The following KIF1B variants were observed in gnomAD, a reference collection of about 807,000 sequenced individuals.
KIF1B encodes the protein kinesin-like protein KIF1B.
KIF1B carries 76 observed loss-of-function variants against 241.9 expected under a neutral mutation model. The observed-to-expected ratio is 0.31, with a 90% CI of 0.26 to 0.38. The LOEUF is 0.38. Ranked by LOEUF, KIF1B falls within the 10% of genes least tolerant of loss-of-function variation. The pLI, the probability that KIF1B is intolerant of heterozygous loss-of-function variation, is 1.00. For missense variants in KIF1B, 1,622 were observed against 2,271.4 expected (o/e 0.71, Z 5.81); for synonymous variants, 750 against 796.7 (o/e 0.94, Z 0.99).
At chr1:10,304,884 A>G in intron 22 of KIF1B, 1 of 1,375,722 alleles carries the variant, frequency 7.3e-7, no homozygotes, top group African/African-American at 1.5e-5. Flanking sequence ...CCTTTTTCTG[A>G]AACGTTCCTC....
In KIF1B at chr1:10,332,576, C is replaced by T. The variant is rs1323309427; in HGVS notation, c.2925-1944C>T. 2.1e-4 allele frequency among the ~76,000 whole-genome samples: 26 copies of T among 121,518 alleles called. No individual in the cohort carries two copies. The East Asian group carries it at 6.8e-3, about 32-fold the overall frequency. 79.7% of individuals were successfully genotyped at this position (121,518 alleles called of 152,430 possible). On this transcript the variant is annotated intron_variant, in intron 27 of 48. Coordinates refer to ENST00000676179, the MANE Select transcript of KIF1B (RefSeq NM_001365951.3). ...TGTCGCCCAGGCTGGAGTGCAGTGGCGCGATCTCGGCTCACTGCAAGCTCC... is the reference window on the plus strand; with the variant it reads ...TGTCGCCCAGGCTGGAGTGCAGTGGTGCGATCTCGGCTCACTGCAAGCTCC...
intron 37 of KIF1B, among the ~76,000 whole-genome samples, chr1:10,349,280 T>C (rs1652701651): frequency 6.6e-6 from 1 of 151,760 alleles, no homozygotes; most frequent in Non-Finnish European, 1.5e-5. Flanking sequence ...CAAAAAAATA[T>C]GAAAATTAGC....
At chr1:10,232,629 C>T (rs1213640624) in intron 2 of KIF1B, among the ~76,000 whole-genome samples, 195 bp downstream of exon 2, 1 of 151,906 alleles carries the variant, frequency 6.6e-6, no homozygotes, top group East Asian at 1.9e-4. Flanking sequence ...TTTATTTTAC[C>T]CTGTACAATT....
At chr1:10,275,676 T>C (rs1424800742) in intron 11 of KIF1B, among the ~76,000 whole-genome samples, 173 bp downstream of exon 11, 2 of 152,186 alleles carry the variant, frequency 1.3e-5, no homozygotes, top group Non-Finnish European at 2.9e-5. Flanking sequence ...TGGATTCCCT[T>C]GGTTTTAAGC....
intron 2 of KIF1B, among the ~76,000 whole-genome samples, chr1:10,237,036 T>C (rs537659171): frequency 1.3e-5 from 2 of 152,292 alleles, no homozygotes; most frequent in South Asian, 4.1e-4. Flanking sequence ...CCATAAACTC[T>C]CTTATGAAAA....
intron 5 of KIF1B, 71 bp downstream of exon 5, chr1:10,262,041 C>A: frequency 2.0e-6 from 2 of 992,588 alleles, no homozygotes; most frequent in African/African-American, 1.6e-5. Context: ...TAAATGGCTC[C>A]AAATTATGAC....
At chr1:10,297,918 G>C (rs1335934262) in intron 22 of KIF1B, among the ~76,000 whole-genome samples, 1 of 152,118 alleles carries the variant, frequency 6.6e-6, no homozygotes, top group Non-Finnish European at 1.5e-5. Context: ...TGGAAAGTCT[G>C]TTTAAGGTCC....
At chr1:10,367,568 T>TC (rs1638610646) in intron 43 of KIF1B, among the ~76,000 whole-genome samples, 1 of 150,818 alleles carries the variant, frequency 6.6e-6, no homozygotes. Flanking sequence ...GGAGTCTTGC[T>TC]CTGTGGCCCA....
At chr1:10,307,464 C>A in intron 22 of KIF1B, 1 of 358,598 alleles carries the variant, frequency 2.8e-6, no homozygotes, top group Non-Finnish European at 4.0e-6. Flanking sequence ...TGCATGCCAC[C>A]ATGCCTGGCT....
chr1:10,231,175 A>G (rs1001282454), intron 1 of KIF1B, among the ~76,000 whole-genome samples: 1 of 152,134 alleles, frequency 6.6e-6, no homozygotes, highest in African/African-American at 2.4e-5. Flanking sequence ...GTGCCATTGC[A>G]CTCCAGCCTG....
At position 10,378,872 on chromosome 1, in the gene KIF1B, G is replaced by A. The variant is rs1379916974; in HGVS notation, c.*2285G>A. 5 of 236,740 alleles carry A rather than the reference G, an allele frequency of 2.1e-5. No homozygotes were observed. Among genetic ancestry groups the A allele is most frequent in the Non-Finnish European group, 3.3e-5 (4 of 120,296 alleles). 14.7% of individuals were successfully genotyped at this position (236,740 alleles called of 1,614,324 possible). A position where few individuals can be genotyped will look rare whatever the true frequency, so the allele number is the denominator to read the frequency against. On this transcript the variant is annotated 3_prime_UTR_variant, in exon 49 of 49. Coordinates refer to ENST00000676179, the MANE Select transcript of KIF1B (RefSeq NM_001365951.3). ...AAGTGACCCGCGGAAACTCTATGGCGGATTTTTTTTTTAACTTTCTTCTTC... is the reference window on the plus strand; with the variant it reads ...AAGTGACCCGCGGAAACTCTATGGCAGATTTTTTTTTTAACTTTCTTCTTC...
rs147801632 is a variant in KIF1B at position 10,327,358 on chromosome 1, G to A, written c.2924+999G>A. 7.5e-4 allele frequency among the ~76,000 whole-genome samples: 114 copies of A among 152,028 alleles called. No individual in the cohort carries two copies. The East Asian group carries it at 0.017, about 23-fold the overall frequency. On this transcript the variant is annotated intron_variant, in intron 27 of 48. Transcript: ENST00000676179. ...CTACTAAAAATACAAAAAATTAGCC[G>A]GGCATGGTGGCGGGTGCCTGTAATC...
chr1:10,271,468 T>C, intron 7 of KIF1B, 34 bp from the exon 8 acceptor site: 1 of 1,482,542 alleles, frequency 6.7e-7, no homozygotes, highest in Non-Finnish European at 9.4e-7. Flanking sequence ...CTTGCTTATT[T>C]TTGAATTGCC....
rs142209186 is a variant in KIF1B, at chr1:10,268,197, C to T, written c.654C>T (p.His218=). Residue 218 remains histidine (H), a synonymous_variant, in exon 7 of 49, where the codon CAC becomes CAT. Transcript: ENST00000676179. The stretch of plus-strand genomic sequence containing the variant: ...TGAATGAAACAAGTAGCCGTTCCCA[C>T]GCTGTGTTTACGATTGTTTTCACCC... The part of the protein sequence containing the change: ...TNMNETSSRS[H]AVFTIVFTQK... The T allele has an allele frequency of 1.5e-4, 249 of 1,613,974 alleles. 2 individuals are homozygous for T. In the East Asian group the frequency reaches 5.2e-3, roughly 34 times the overall value.
At position 10,361,786 on chromosome 1, in the gene KIF1B, G is replaced by C; in HGVS notation, c.4265G>C (p.Arg1422Pro). Residue 1422 changes from arginine to proline, a missense_variant, in exon 40 of 49, where the codon CGT (arginine) becomes CCT (proline). This residue lies in a region of KIF1B where 803 missense variants were observed against 1,112.0 expected (regional missense o/e 0.72). Coordinates refer to ENST00000676179, the MANE Select transcript of KIF1B (RefSeq NM_001365951.3). Reference sequence around the variant, plus strand: ...AAGATCTCACCACCACGCTCTCTGCGTAGCCTCTTTGGCAGCGGCTACTCA... The same window carrying C: ...AAGATCTCACCACCACGCTCTCTGCCTAGCCTCTTTGGCAGCGGCTACTCA... The part of the protein sequence containing the change: ...DAKISPPRSL[R>P]SLFGSGYSKS... 1 of 1,614,068 alleles carries C rather than the reference G, an allele frequency of 6.2e-7. No homozygotes were observed. The highest frequency in any genetic ancestry group is 8.5e-7 in the Non-Finnish European group (1 of 1,180,042).
chr1:10,349,572 A>C (rs1243943718), intron 37 of KIF1B, among the ~76,000 whole-genome samples: 1 of 152,198 alleles, frequency 6.6e-6, no homozygotes, highest in African/African-American at 2.4e-5. Context: ...TAAGAGAGTT[A>C]ACAGTGAAAA....
rs1307565803 is a variant in KIF1B at position 10,376,838 on chromosome 1, C to T, written c.*251C>T. 4 of 348,524 alleles carry T rather than the reference C, an allele frequency of 1.1e-5. No homozygotes were observed. The Admixed American group carries it at 1.2e-4, about 11-fold the overall frequency. 21.6% of individuals were successfully genotyped at this position (348,524 alleles called of 1,614,324 possible). A position where few individuals can be genotyped will look rare whatever the true frequency, so the allele number is the denominator to read the frequency against. ...CAAAAGGAAAAAATGTTTTTAAACA[C>T]ACACACACACACACACACACACACA... On this transcript the variant is annotated 3_prime_UTR_variant, in exon 49 of 49. Transcript: ENST00000676179.
At chr1:10,317,626 T>C (rs866065427) in intron 22 of KIF1B, among the ~76,000 whole-genome samples, 6 of 151,444 alleles carry the variant, frequency 4.0e-5, no homozygotes, top group Middle Eastern at 3.4e-3. Context: ...GGTAAGGAGT[T>C]CGAGACCAGC....
At chr1:10,323,792 G>A (rs970017432) in intron 24 of KIF1B, 92 bp from the exon 25 acceptor site, 4 of 1,043,972 alleles carry the variant, frequency 3.8e-6, no homozygotes, top group Non-Finnish European at 6.0e-6. Context: ...GAGCACATTC[G>A]ACCTCTTTCC....
Sources: allele counts gnomAD v4.1 joint callset (sites outside exome capture counted in the v4.1 genomes callset), GRCh38; gene constraint gnomAD v4.1.1; regional missense constraint gnomAD v4.1.1; transcripts MANE v1.5; gene names NCBI Gene and HGNC (gene_info 2026-07-23, HGNC 2026-07-21).